Variants in DYM observed in about 807,000 individuals in gnomAD.
DYM encodes dymeclin.
DYM carries 78 observed loss-of-function variants against 93.1 expected under a neutral mutation model. That is an observed-to-expected ratio of 0.84 (90% CI 0.70 to 1.01). The LOEUF is 1.01. Among genes scored for constraint, DYM ranks in the 50% least tolerant of loss-of-function variants. The probability of loss-of-function intolerance (pLI) is 0.00; values close to 1 mark genes in which losing one functional copy is unlikely to be tolerated. For synonymous variants in DYM, 321 were observed against 319.7 expected (o/e 1.00, Z -0.04); for missense variants, 789 against 845.0 (o/e 0.93, Z 0.82).
At chr18:49,077,414 T>C (rs1283754240) in intron 17 of DYM, among the ~76,000 whole-genome samples, 1 of 152,260 alleles carries the variant, frequency 6.6e-6, no homozygotes. Flanking sequence ...CAAAATAGGA[T>C]TTATCTTGGT....
At chr18:49,314,416 G>A (rs2061796811) in intron 8 of DYM, among the ~76,000 whole-genome samples, 1 of 152,194 alleles carries the variant, frequency 6.6e-6, no homozygotes, top group South Asian at 2.1e-4. Flanking sequence ...TACAAAGAAT[G>A]CTGCTAGGAA....
At chr18:49,370,390 C>T (rs1351082557) in intron 5 of DYM, among the ~76,000 whole-genome samples, 1 of 152,184 alleles carries the variant, frequency 6.6e-6, no homozygotes. Context: ...CCACCACCCC[C>T]ACTTTGTTGC....
At chr18:49,088,558 A>AAG (rs991825380) in intron 17 of DYM, among the ~76,000 whole-genome samples, 9 of 152,054 alleles carry the variant, frequency 5.9e-5, no homozygotes, top group African/African-American at 2.2e-4. Flanking sequence ...CTTAAAAAAA[A>AAG]AAAAAAAAAG....
chr18:49,216,032 C>T (rs550915306), intron 13 of DYM, among the ~76,000 whole-genome samples: 3 of 152,326 alleles, frequency 2.0e-5, no homozygotes, highest in East Asian at 1.9e-4. Context: ...CCTGGAAAAT[C>T]GGGTCAATCT....
At chr18:49,139,497 A>G (rs147824785) in intron 15 of DYM, among the ~76,000 whole-genome samples, 78 of 152,316 alleles carry the variant, frequency 5.1e-4, no homozygotes, top group Non-Finnish European at 8.7e-4. Flanking sequence ...TTTTAAAACT[A>G]CTGTTTGAGG....
At position 49,282,311 on chromosome 18, in the gene DYM, A is replaced by T. The variant is rs532150322; in HGVS notation, c.947-136T>A. 10 of 977,404 alleles carry T rather than the reference A, an allele frequency of 1.0e-5. No individual in the cohort carries two copies. The Admixed American group carries it at 2.2e-4, about 21-fold the overall frequency. The allele number at this position is 977,404 out of a possible 1,614,324, so 60.5% of individuals were successfully genotyped here. ...ACTACATTTCAGATTCAAAATTTTA[A>T]TTTATGTAAAATTTACTTTAGGGCC... is the stretch of plus-strand genomic sequence containing the variant. On this transcript the variant is annotated intron_variant, in intron 9 of 17. Coordinates refer to ENST00000675505, the MANE Select transcript of DYM (RefSeq NM_001353214.3).
At chr18:49,289,788 TACAC>T (rs1555678795) in intron 8 of DYM, among the ~76,000 whole-genome samples, 3 of 40,194 alleles carry the variant, frequency 7.5e-5, no homozygotes, top group Admixed American at 3.5e-4. Flanking sequence ...TATATATATA[TACAC>T]ACATATATAT....
At chr18:49,413,415 T>C (rs950795428) in intron 2 of DYM, among the ~76,000 whole-genome samples, 1 of 152,206 alleles carries the variant, frequency 6.6e-6, no homozygotes, top group East Asian at 1.9e-4. Flanking sequence ...AAAGTAACAA[T>C]GATGCTTACG....
At chr18:49,406,541 A>G (rs182471423) in intron 2 of DYM, among the ~76,000 whole-genome samples, 1 of 152,296 alleles carries the variant, frequency 6.6e-6, no homozygotes, top group East Asian at 1.9e-4. Flanking sequence ...AGCCTGAGTG[A>G]TAGAGTGAGA....
rs1159688737 is a variant in DYM, at chr18:49,038,839, T to C, written c.*5216A>G. On this transcript the variant is annotated 3_prime_UTR_variant, in exon 18 of 18. Transcript: ENST00000675505. ...GCATACATGAGTTATCAAAGACTAATATTAAATGAATTTTTACTCTCTTCT... is the reference window on the plus strand; with the variant it reads ...GCATACATGAGTTATCAAAGACTAACATTAAATGAATTTTTACTCTCTTCT... Among the ~76,000 whole-genome samples, 1 of 152,242 alleles carries C rather than the reference T, an allele frequency of 6.6e-6. No homozygotes were observed. The highest frequency in any genetic ancestry group is 1.9e-4 in the East Asian group (1 of 5,206).
intron 17 of DYM, among the ~76,000 whole-genome samples, chr18:49,063,263 G>A (rs903416202): frequency 6.6e-6 from 1 of 151,006 alleles, no homozygotes; most frequent in African/African-American, 2.4e-5. Context: ...GAGTGAAACC[G>A]CAAGATTAGG....
chr18:49,346,836 G>C (rs1355156677), intron 6 of DYM, among the ~76,000 whole-genome samples: 1 of 152,096 alleles, frequency 6.6e-6, no homozygotes, highest in Non-Finnish European at 1.5e-5. Flanking sequence ...GATGCTCTTT[G>C]ACTAATAATG....
chr18:49,327,931 T>C (rs567715260), intron 8 of DYM, among the ~76,000 whole-genome samples: 149 of 152,262 alleles, frequency 9.8e-4, no homozygotes, highest in African/African-American at 3.4e-3. Flanking sequence ...TCAAGGAGCT[T>C]ATGCCCTCAG....
intron 12 of DYM, 64 bp downstream of exon 12, chr18:49,258,316 C>T: frequency 1.7e-6 from 2 of 1,194,718 alleles, no homozygotes; most frequent in Non-Finnish European, 2.5e-6. Context: ...ATTGGGATTG[C>T]TTTAAACTAT....
At chr18:49,108,200 C>T (rs1050876049) in intron 16 of DYM, among the ~76,000 whole-genome samples, 5 of 152,168 alleles carry the variant, frequency 3.3e-5, no homozygotes, top group African/African-American at 4.8e-5. Context: ...TAGGACCCTC[C>T]GAGCCAGGCA....
chr18:49,089,880 T>G (rs2078886815), intron 17 of DYM, among the ~76,000 whole-genome samples: 1 of 152,220 alleles, frequency 6.6e-6, no homozygotes, highest in Non-Finnish European at 1.5e-5. Context: ...TCTACAGTCC[T>G]TGTCCTGCAA....
intron 10 of DYM, among the ~76,000 whole-genome samples, chr18:49,280,276 T>C (rs2094937762): frequency 6.6e-6 from 1 of 152,176 alleles, no homozygotes; most frequent in Non-Finnish European, 1.5e-5. Context: ...CATGTAGTGA[T>C]GGATAGTGTA....
At chr18:49,229,172 C>A (rs1311200008) in intron 13 of DYM, among the ~76,000 whole-genome samples, 2 of 151,530 alleles carry the variant, frequency 1.3e-5, no homozygotes, top group African/African-American at 4.9e-5. Context: ...TTCCAAATTA[C>A]TTGACAAATA....
intron 14 of DYM, among the ~76,000 whole-genome samples, chr18:49,179,939 G>A (rs2089755367): frequency 6.6e-6 from 1 of 152,138 alleles, no homozygotes; most frequent in African/African-American, 2.4e-5. Flanking sequence ...CTAAAGTGGA[G>A]AGGGTTAATA....
Sources: allele counts gnomAD v4.1 joint callset (sites outside exome capture counted in the v4.1 genomes callset), GRCh38; gene constraint gnomAD v4.1.1; transcripts MANE v1.5; gene names NCBI Gene and HGNC (gene_info 2026-07-23, HGNC 2026-07-21).